CRLF3: variants seen among roughly 807,000 people sequenced by gnomAD.
CRLF3 encodes the protein cytokine receptor-like factor 3.
In CRLF3, 33 loss-of-function variants were observed where a neutral mutation model predicts 55.0. The ratio of observed to expected loss-of-function variants is 0.60; its 90% confidence interval spans 0.46 to 0.80. The LOEUF (loss-of-function observed/expected upper bound fraction) is 0.80, where lower values mean the gene tolerates loss of function less well. Among genes scored for constraint, CRLF3 ranks in the 30% least tolerant of loss-of-function variants. The probability of loss-of-function intolerance (pLI) is 0.00; values close to 1 mark genes in which losing one functional copy is unlikely to be tolerated. For missense variants in CRLF3, 494 were observed against 538.4 expected (o/e 0.92, Z 0.82); for synonymous variants, 238 against 196.8 (o/e 1.21, Z -1.75).
At chr17:30,807,549 TG>T (rs1904451770) in intron 1 of CRLF3, among the ~76,000 whole-genome samples, 2 of 126,022 alleles carry the variant, frequency 1.6e-5, no homozygotes, top group Non-Finnish European at 1.6e-5. Context: ...TTTTTTTTTT[TG>T]ACACAGAGTT....
In CRLF3 at chr17:30,804,013, CACCAA is replaced by C; in HGVS notation, c.220_224del (p.Leu74AspfsTer10). The C allele has an allele frequency of 6.2e-7, 1 of 1,613,268 alleles. No homozygotes were observed. Among genetic ancestry groups the C allele is most frequent in the Non-Finnish European group, 8.5e-7 (1 of 1,179,842 alleles). ...TGGTGTCCACCTCTTGCAAAAGGGT[CACCAA>C]TCGCTCATCCAGGAGCTTTCCAAGG... is the stretch of plus-strand genomic sequence containing the variant. On this transcript the variant is annotated frameshift_variant, in exon 2 of 8. Transcript: ENST00000324238. LOFTEE classifies it high-confidence loss of function.
At chr17:30,808,347 G>A (rs1427970794) in intron 1 of CRLF3, among the ~76,000 whole-genome samples, 2 of 141,220 alleles carry the variant, frequency 1.4e-5, no homozygotes, top group Non-Finnish European at 3.0e-5. Context: ...CAGTGCAATG[G>A]AGCAATCTTG....
chr17:30,818,410 G>C (rs1023075205), intron 1 of CRLF3, among the ~76,000 whole-genome samples: 3 of 151,830 alleles, frequency 2.0e-5, no homozygotes, highest in Non-Finnish European at 4.4e-5. Flanking sequence ...GTAACAGAAG[G>C]GGAAGTGGGA....
intron 6 of CRLF3, among the ~76,000 whole-genome samples, chr17:30,788,375 A>T (rs184685633): frequency 9.8e-4 from 144 of 147,416 alleles, no homozygotes; most frequent in African/African-American, 3.4e-3. Context: ...ACCTTAAAAA[A>T]AATCAGAAAA....
intron 2 of CRLF3, among the ~76,000 whole-genome samples, chr17:30,802,741 G>C (rs568687250): frequency 6.6e-6 from 1 of 152,110 alleles, no homozygotes; most frequent in African/African-American, 2.4e-5. Flanking sequence ...TATGTTATGT[G>C]CCTGACAAAG....
chr17:30,792,773 T>G, intron 5 of CRLF3: 2 of 458,850 alleles, frequency 4.4e-6, no homozygotes, highest in South Asian at 4.5e-5. Context: ...CTGCATAATT[T>G]TGACATAATA....
intron 1 of CRLF3, among the ~76,000 whole-genome samples, chr17:30,804,656 A>T (rs1904334800): frequency 6.6e-6 from 1 of 152,196 alleles, no homozygotes; most frequent in South Asian, 2.1e-4. Context: ...CAAATGACAG[A>T]ATTTCCTTCT....
chr17:30,793,484 G>A lies in CRLF3; in HGVS notation c.792C>T (p.Val264=). ...CCAATGTGGAATGACCTATCTGGGGGACACTCCAAGGACTCCACTCCTGTC... is the reference window on the plus strand; with the variant it reads ...CCAATGTGGAATGACCTATCTGGGGAACACTCCAAGGACTCCACTCCTGTC... ...DGRQEWSPWS[V]PQIGHSTLVP... is the part of the protein sequence containing the mutation. The change falls in exon 5 of 8, where the codon GTC becomes GTT. Residue 264 remains valine, a synonymous_variant. Coordinates refer to ENST00000324238, the MANE Select transcript of CRLF3 (RefSeq NM_015986.4). The A allele has an allele frequency of 2.5e-6, 4 of 1,614,108 alleles. No homozygotes were observed. The highest frequency in any genetic ancestry group is 3.4e-6 in the Non-Finnish European group (4 of 1,180,022).
intron 2 of CRLF3, among the ~76,000 whole-genome samples, chr17:30,800,660 G>A (rs746907854): frequency 6.6e-6 from 1 of 151,698 alleles, no homozygotes; most frequent in African/African-American, 2.4e-5. Flanking sequence ...TAAGAGACAG[G>A]GTCTTGCTCT....
chr17:30,790,605 G>GGTTTT (rs1971771612), intron 6 of CRLF3: 2 of 80,838 alleles, frequency 2.5e-5, no homozygotes, highest in African/African-American at 1.1e-4. Flanking sequence ...AAATTTTTTT[G>GGTTTT]CTTTTTTTTT....
In CRLF3 at chr17:30,784,218, A is replaced by G. The variant is rs1196346225; in HGVS notation, c.1298T>C (p.Phe433Ser). The change falls in exon 8 of 8, where the codon TTC (phenylalanine) becomes TCC (serine). Residue 433 changes from phenylalanine (F) to serine (S), a missense_variant. Physicochemically the swap from Phe to Ser is radical, Grantham distance 155. Coordinates refer to ENST00000324238, the MANE Select transcript of CRLF3 (RefSeq NM_015986.4). ...CACTAACACTTTCCATCCAGGATAG[A>G]AAAATGAGCATCCAAAGTAAAGAGA... ...CGSLYFGCSF[F>S]YPGWKVLVF is the part of the protein sequence containing the mutation. The G allele has an allele frequency of 3.7e-6, 6 of 1,613,920 alleles. No individual in the cohort carries two copies. Among genetic ancestry groups the G allele is most frequent in the African/African-American group, 1.3e-5 (1 of 74,902 alleles).
At chr17:30,787,881 TC>T (rs1308684759) in intron 6 of CRLF3, among the ~76,000 whole-genome samples, 1 of 152,028 alleles carries the variant, frequency 6.6e-6, no homozygotes, top group African/African-American at 2.4e-5. Flanking sequence ...GCTCCTGTAA[TC>T]CTAGCTACTC....
At chr17:30,790,673 G>A (rs1971777409) in intron 6 of CRLF3, 1 of 135,082 alleles carries the variant, frequency 7.4e-6, no homozygotes, top group Admixed American at 8.3e-5. Flanking sequence ...CTGGAGTGCA[G>A]TGGCACGATC....
chr17:30,793,336 T>C (rs571582876), intron 5 of CRLF3, 114 bp downstream of exon 5: 21 of 750,328 alleles, frequency 2.8e-5, no homozygotes, highest in Middle Eastern at 3.8e-4. Flanking sequence ...GTTGTTCTTA[T>C]CAATTCAGGA....
At position 30,783,634 on chromosome 17, in the gene CRLF3, G is replaced by GTT. The variant is rs1971556419; in HGVS notation, c.*551_*552dup. On this transcript the variant is annotated 3_prime_UTR_variant, in exon 8 of 8. Transcript: ENST00000324238. ...CTCCGTCTCAACAAAAAAAGAAAAA[G>GTT]TTATAATGTTTTGGGGACTTAAAGA... 6.6e-6 allele frequency: 1 copy of GTT among 152,068 alleles called. No individual in the cohort carries two copies. Among genetic ancestry groups the GTT allele is most frequent in the Admixed American group, 6.6e-5 (1 of 15,254 alleles). The allele number at this position is 152,068 out of a possible 1,614,324, so 9.4% of individuals were successfully genotyped here. A position where few individuals can be genotyped will look rare whatever the true frequency, so the allele number is the denominator to read the frequency against.
intron 1 of CRLF3, among the ~76,000 whole-genome samples, chr17:30,813,299 T>A (rs528511631): frequency 7.9e-4 from 121 of 152,282 alleles, no homozygotes; most frequent in African/African-American, 2.8e-3. Context: ...CTAGTATGTG[T>A]CAGAAATTAG....
intron 1 of CRLF3, among the ~76,000 whole-genome samples, chr17:30,811,877 G>A (rs1213015390): frequency 1.3e-5 from 2 of 148,898 alleles, no homozygotes; most frequent in Admixed American, 6.7e-5. Flanking sequence ...TTGGGAGGCC[G>A]AGGCGGGCGG....
chr17:30,818,898 C>G (rs965506588), intron 1 of CRLF3, among the ~76,000 whole-genome samples: 1 of 151,892 alleles, frequency 6.6e-6, no homozygotes, highest in African/African-American at 2.4e-5. Flanking sequence ...TCACTGCAAC[C>G]TCCATCTCCC....
intron 6 of CRLF3, among the ~76,000 whole-genome samples, chr17:30,790,373 T>C (rs186660733): frequency 2.1e-3 from 318 of 152,190 alleles, no homozygotes; most frequent in African/African-American, 6.3e-3. Context: ...TTCAGAAACA[T>C]GACTATAAAG....
Sources: allele counts gnomAD v4.1 joint callset (sites outside exome capture counted in the v4.1 genomes callset), GRCh38; gene constraint gnomAD v4.1.1; transcripts MANE v1.5; gene names NCBI Gene and HGNC (gene_info 2026-07-23, HGNC 2026-07-21).